The following SLC24A4 variants were observed in gnomAD, a reference collection of about 807,000 sequenced individuals.
The protein encoded by SLC24A4 is solute carrier family 24 member 4.
In SLC24A4, 53 loss-of-function variants were observed where a neutral mutation model predicts 79.0. The observed-to-expected ratio is 0.67, with a 90% CI of 0.54 to 0.84. The LOEUF (loss-of-function observed/expected upper bound fraction) is 0.84, where lower values mean the gene tolerates loss of function less well. Ranked by LOEUF, SLC24A4 falls within the 40% of genes least tolerant of loss-of-function variation. The pLI, the probability that SLC24A4 is intolerant of heterozygous loss-of-function variation, is 0.00. For missense variants in SLC24A4, 731 were observed against 822.0 expected, an observed-to-expected ratio of 0.89 and a Z score of 1.35; for synonymous variants, 323 against 323.8, an observed-to-expected ratio of 1.00 and a Z score of 0.03.
At position 92,326,051 on chromosome 14, in the gene SLC24A4, T is replaced by C. The variant is rs562176333; in HGVS notation, c.241+73T>C. On this transcript the variant is annotated intron_variant, in intron 2 of 16. Coordinates refer to ENST00000532405, the MANE Select transcript of SLC24A4 (RefSeq NM_153646.4). ...GGCCTGGAGATGGCGCTTATGTGGG[T>C]GGTTACAGCCAGAGCTGAGAAAGGT... is the stretch of plus-strand genomic sequence containing the variant. 437 of 1,069,408 alleles carry C rather than the reference T, an allele frequency of 4.1e-4. 12 individuals are homozygous for C. In the South Asian group the frequency reaches 5.7e-3, roughly 14 times the overall value. 66.2% of individuals were successfully genotyped at this position (1,069,408 alleles called of 1,614,324 possible). A position where few individuals can be genotyped will look rare whatever the true frequency, so the allele number is the denominator to read the frequency against.
At chr14:92,438,309 A>G (rs1892289568) in intron 3 of SLC24A4, among the ~76,000 whole-genome samples, 1 of 152,306 alleles carries the variant, frequency 6.6e-6, no homozygotes, top group African/African-American at 2.4e-5. Flanking sequence ...AAAGGATATT[A>G]CCAAGGATAC....
At chr14:92,364,064 A>T (rs1009279563) in intron 2 of SLC24A4, among the ~76,000 whole-genome samples, 4 of 152,126 alleles carry the variant, frequency 2.6e-5, no homozygotes, top group Non-Finnish European at 5.9e-5. Flanking sequence ...CGCAGGGTAC[A>T]TGGCAGCTCC....
chr14:92,328,064 T>C (rs139871127), intron 2 of SLC24A4, among the ~76,000 whole-genome samples: 514 of 16,048 alleles, frequency 0.032, 3 homozygotes, highest in African/African-American at 0.12. Flanking sequence ...TCCTAAGATC[T>C]CTTGGGCAGC....
intron 2 of SLC24A4, among the ~76,000 whole-genome samples, chr14:92,390,761 T>G (rs11160061): frequency 0.018 from 2,740 of 152,252 alleles, 96 homozygotes; most frequent in African/African-American, 0.063. Context: ...CCAGGGAACA[T>G]TCCGATTCCT....
intron 2 of SLC24A4, among the ~76,000 whole-genome samples, chr14:92,397,879 A>G (rs67577009): frequency 0.069 from 10,566 of 152,288 alleles, 516 homozygotes; most frequent in Non-Finnish European, 0.097. Flanking sequence ...TGACATACTG[A>G]TATTTAGCAT....
chr14:92,326,144 A>G (rs915135601), intron 2 of SLC24A4, among the ~76,000 whole-genome samples, 166 bp downstream of exon 2: 2 of 152,264 alleles, frequency 1.3e-5, no homozygotes, highest in African/African-American at 2.4e-5. Context: ...ACATTCGTCA[A>G]TGGTGCTGCT....
chr14:92,481,702 T>C (rs964520600), intron 12 of SLC24A4, among the ~76,000 whole-genome samples: 4 of 152,358 alleles, frequency 2.6e-5, no homozygotes, highest in East Asian at 3.8e-4. Context: ...GTCCAACTGA[T>C]TTTTTTAAAT....
At chr14:92,458,423 G>GT (rs2139855525) in intron 12 of SLC24A4, among the ~76,000 whole-genome samples, 1 of 152,324 alleles carries the variant, frequency 6.6e-6, no homozygotes, top group South Asian at 2.1e-4. Context: ...CACCTGCTCT[G>GT]TGGGGAACAG....
At chr14:92,335,271 C>T (rs1245776937) in intron 2 of SLC24A4, among the ~76,000 whole-genome samples, 1 of 152,132 alleles carries the variant, frequency 6.6e-6, no homozygotes, top group Admixed American at 6.5e-5. Flanking sequence ...AATATTGATA[C>T]ATTGTTATTA....
chr14:92,477,529 A>C (rs557737389), intron 12 of SLC24A4, among the ~76,000 whole-genome samples: 33 of 152,274 alleles, frequency 2.2e-4, no homozygotes, highest in African/African-American at 7.2e-4. Flanking sequence ...TGGCAATCAT[A>C]GCTCACTGCA....
At chr14:92,328,764 C>A (rs1209827800) in intron 2 of SLC24A4, among the ~76,000 whole-genome samples, 1 of 152,240 alleles carries the variant, frequency 6.6e-6, no homozygotes, top group African/African-American at 2.4e-5. Context: ...ACCACCCTTG[C>A]AGATTGATCT....
intron 2 of SLC24A4, among the ~76,000 whole-genome samples, chr14:92,356,497 C>T (rs1288082368): frequency 6.6e-6 from 1 of 152,152 alleles, no homozygotes; most frequent in South Asian, 2.1e-4. Flanking sequence ...TGAATTTGAA[C>T]CCTGGATCTA....
intron 2 of SLC24A4, 89 bp from the exon 3 acceptor site, chr14:92,433,823 A>C: frequency 9.2e-7 from 1 of 1,092,704 alleles, no homozygotes; most frequent in South Asian, 1.2e-5. Context: ...TGGGCTCTGC[A>C]GTTCCTTAGT....
intron 12 of SLC24A4, among the ~76,000 whole-genome samples, chr14:92,479,474 T>C (rs910622453): frequency 2.0e-5 from 3 of 152,278 alleles, no homozygotes; most frequent in African/African-American, 7.2e-5. Flanking sequence ...TGTGTAGTTT[T>C]ATCCTTTATT....
intron 2 of SLC24A4, among the ~76,000 whole-genome samples, chr14:92,384,074 G>A (rs576800375): frequency 2.6e-4 from 40 of 152,264 alleles, no homozygotes; most frequent in African/African-American, 9.4e-4. Flanking sequence ...TTTGATTACC[G>A]CTTGGGCATT....
chr14:92,491,865 C>A, intron 15 of SLC24A4, 88 bp downstream of exon 15: 1 of 1,019,986 alleles, frequency 9.8e-7, no homozygotes, highest in Non-Finnish European at 1.5e-6. Context: ...TAGGAGACGA[C>A]CTCCTCCTCT....
chr14:92,477,342 AAG>A (rs1191903258), intron 12 of SLC24A4, among the ~76,000 whole-genome samples: 19 of 152,214 alleles, frequency 1.2e-4, no homozygotes, highest in African/African-American at 4.3e-4. Flanking sequence ...GTTGAGTAGT[AAG>A]AGTTCTTTAC....
chr14:92,402,336 C>T (rs1315462976), intron 2 of SLC24A4, among the ~76,000 whole-genome samples: 2 of 152,068 alleles, frequency 1.3e-5, no homozygotes, highest in Non-Finnish European at 2.9e-5. Context: ...TATCAATAGC[C>T]TAAAGTTTTT....
chr14:92,497,375 C>T lies in SLC24A4; in HGVS notation c.*3747C>T, dbSNP rs1331653103. ...ATTGCATCAGCAGGAGCCCATCTCT[C>T]AGAGAACCCGGACTCCCCAAGCAGA... is the stretch of plus-strand genomic sequence containing the variant. On this transcript the variant is annotated 3_prime_UTR_variant, in exon 17 of 17. Coordinates refer to ENST00000532405, the MANE Select transcript of SLC24A4 (RefSeq NM_153646.4). The T allele has an allele frequency of 1.3e-5, 2 of 152,248 alleles. No individual in the cohort carries two copies. Among genetic ancestry groups the T allele is most frequent in the Non-Finnish European group, 1.5e-5 (1 of 68,086 alleles). 9.4% of individuals were successfully genotyped at this position (152,248 alleles called of 1,614,324 possible).
Sources: allele counts gnomAD v4.1 joint callset (sites outside exome capture counted in the v4.1 genomes callset), GRCh38; gene constraint gnomAD v4.1.1; transcripts MANE v1.5; gene names NCBI Gene and HGNC (gene_info 2026-07-23, HGNC 2026-07-21).